The following SLC41A2 variants were observed in gnomAD, a reference collection of about 807,000 sequenced individuals.
SLC41A2 encodes the protein SLC41A1-like 1.
In SLC41A2, 32 loss-of-function variants were observed where a neutral mutation model predicts 58.3. The observed-to-expected ratio is 0.55, with a 90% CI of 0.41 to 0.74. The LOEUF is 0.74. SLC41A2 is among the 30% of genes least tolerant of loss of function. The pLI is 0.00. For synonymous variants in SLC41A2, 190 were observed against 235.0 expected (o/e 0.81, Z 1.75); for missense variants, 514 against 680.6 (o/e 0.76, Z 2.72).
intron 6 of SLC41A2, among the ~76,000 whole-genome samples, chr12:104,869,211 G>A (rs1454523608): frequency 6.6e-6 from 1 of 152,078 alleles, no homozygotes; most frequent in Non-Finnish European, 1.5e-5. Context: ...ATTAGATCAC[G>A]GTGATCCTTG....
intron 6 of SLC41A2, among the ~76,000 whole-genome samples, chr12:104,868,569 A>G (rs568024556): frequency 6.6e-6 from 1 of 152,122 alleles, no homozygotes; most frequent in Non-Finnish European, 1.5e-5. Flanking sequence ...GTTTAACTTG[A>G]CCCAGCAATT....
At chr12:104,944,275 T>TG (rs2047625520) in intron 1 of SLC41A2, among the ~76,000 whole-genome samples, 2 of 152,174 alleles carry the variant, frequency 1.3e-5, no homozygotes, top group African/African-American at 4.8e-5. Context: ...CATTAGATTA[T>TG]GAAATGGGCA....
intron 3 of SLC41A2, among the ~76,000 whole-genome samples, chr12:104,895,672 G>A (rs998241461): frequency 6.6e-5 from 10 of 152,034 alleles, no homozygotes; most frequent in African/African-American, 2.4e-4. Context: ...TTTGTGTATT[G>A]AGGTCCAAGG....
intron 4 of SLC41A2, among the ~76,000 whole-genome samples, chr12:104,891,192 G>T (rs1565878474): frequency 6.6e-6 from 1 of 152,140 alleles, no homozygotes; most frequent in Non-Finnish European, 1.5e-5. Context: ...GGCCTGGTTG[G>T]GGTTCCCTGT....
At chr12:104,950,134 G>A (rs1212223435) in intron 1 of SLC41A2, among the ~76,000 whole-genome samples, 2 of 152,166 alleles carry the variant, frequency 1.3e-5, no homozygotes, top group Admixed American at 6.5e-5. Flanking sequence ...AAATGAGGAA[G>A]AATAAATAAC....
rs778961955 is a variant in SLC41A2, at chr12:104,889,183, A to T, written c.736-6T>A. 5 of 1,599,262 alleles carry T rather than the reference A, an allele frequency of 3.1e-6. No individual in the cohort carries two copies. The highest frequency in any genetic ancestry group is 2.2e-5 in the East Asian group (1 of 44,506). On this transcript the variant is annotated splice_region_variant and splice_polypyrimidine_tract_variant and intron_variant, in intron 4 of 10. Transcript: ENST00000258538. ...CCCACTACTGTTGCCTGAACCTAAA[A>T]TTTTTTTCATAAATCCAACTGAATT...
intron 5 of SLC41A2, among the ~76,000 whole-genome samples, 180 bp from the exon 6 acceptor site, chr12:104,886,619 C>T (rs2044679306): frequency 6.6e-6 from 1 of 152,026 alleles, no homozygotes; most frequent in Admixed American, 6.5e-5. Flanking sequence ...TTTCAACAAA[C>T]TCCAAGTGGG....
intron 1 of SLC41A2, among the ~76,000 whole-genome samples, chr12:104,934,807 T>A (rs2047197188): frequency 6.6e-6 from 1 of 152,144 alleles, no homozygotes; most frequent in Non-Finnish European, 1.5e-5. Flanking sequence ...TGTACTTATG[T>A]GGAATCTGAA....
intron 6 of SLC41A2, among the ~76,000 whole-genome samples, chr12:104,868,339 C>T (rs1264837937): frequency 6.6e-6 from 1 of 152,138 alleles, no homozygotes; most frequent in Non-Finnish European, 1.5e-5. Flanking sequence ...TAGGTCAGAT[C>T]ATCTTAGTAT....
At chr12:104,917,538 C>T (rs893162212) in intron 2 of SLC41A2, among the ~76,000 whole-genome samples, 2 of 151,188 alleles carry the variant, frequency 1.3e-5, no homozygotes, top group Non-Finnish European at 3.0e-5. Context: ...ATGTTTATTG[C>T]GGCACTATTC....
intron 1 of SLC41A2, among the ~76,000 whole-genome samples, chr12:104,941,409 C>T (rs2047509135): frequency 6.6e-6 from 1 of 152,120 alleles, no homozygotes; most frequent in South Asian, 2.1e-4. Flanking sequence ...ATAATAAATC[C>T]TCAATACATC....
At position 104,878,873 on chromosome 12, in the gene SLC41A2, T is replaced by C. The variant is rs145232873; in HGVS notation, c.1027+7420A>G. On this transcript the variant is annotated intron_variant, in intron 6 of 10. Transcript: ENST00000258538. ...AAATGGTATTTCTAGTTCTAGATCC[T>C]TGAGGAATCGCCACACTGTCTTCCA... Among the ~76,000 whole-genome samples the C allele has an allele frequency of 8.8e-3, 1,346 of 152,320 alleles. 41 individuals are homozygous for C. In the East Asian group the frequency reaches 0.12, roughly 14 times the overall value.
chr12:104,940,353 G>A (rs1593180244), intron 1 of SLC41A2, among the ~76,000 whole-genome samples: 1 of 14,224 alleles, frequency 7.0e-5, no homozygotes, highest in Admixed American at 6.8e-4. Flanking sequence ...GGCTCACCTG[G>A]GGGGGAGGGG....
At chr12:104,867,918 C>A (rs1055427585) in intron 6 of SLC41A2, among the ~76,000 whole-genome samples, 13 of 149,738 alleles carry the variant, frequency 8.7e-5, no homozygotes, top group African/African-American at 2.9e-4. Context: ...ATACAAATCC[C>A]AAATTTTTAT....
At chr12:104,884,508 C>T (rs1217840982) in intron 6 of SLC41A2, among the ~76,000 whole-genome samples, 3 of 152,102 alleles carry the variant, frequency 2.0e-5, no homozygotes, top group Non-Finnish European at 4.4e-5. Context: ...TATAGGGTAA[C>T]CTGTCCCAGA....
chr12:104,848,055 C>T (rs1289884494), intron 8 of SLC41A2, among the ~76,000 whole-genome samples: 1 of 152,124 alleles, frequency 6.6e-6, no homozygotes, highest in Non-Finnish European at 1.5e-5. Context: ...CACACATGCA[C>T]TCATGGAACA....
Position 104,942,950 on chromosome 12 carries a change from G to T in SLC41A2, c.-167-14256C>A, listed in dbSNP as rs1196881684. ...TTAGCATTTCAAATGAGTAGAAATT[G>T]TTATTCAGGATTCATACAAAAGTAT... is the stretch of plus-strand genomic sequence containing the variant. On this transcript the variant is annotated intron_variant, in intron 1 of 10. Coordinates refer to ENST00000258538, the MANE Select transcript of SLC41A2 (RefSeq NM_001352171.3). Among the ~76,000 whole-genome samples, 9 of 152,082 alleles carry T rather than the reference G, an allele frequency of 5.9e-5. No individual in the cohort carries two copies. In the East Asian group the frequency reaches 7.7e-4, roughly 13 times the overall value.
At chr12:104,873,931 A>G (rs1243408540) in intron 6 of SLC41A2, among the ~76,000 whole-genome samples, 1 of 152,124 alleles carries the variant, frequency 6.6e-6, no homozygotes, top group African/African-American at 2.4e-5. Context: ...TTGACTCCTT[A>G]TCAAACATAT....
At chr12:104,946,254 G>T (rs2047714364) in intron 1 of SLC41A2, among the ~76,000 whole-genome samples, 1 of 151,970 alleles carries the variant, frequency 6.6e-6, no homozygotes, top group Admixed American at 6.6e-5. Flanking sequence ...ATTTCAATCA[G>T]GCACTTTCTT....
Sources: gnomAD v4.1 joint callset for allele counts (sites outside exome capture counted in the v4.1 genomes callset) on GRCh38, gnomAD v4.1.1 for gene constraint, MANE v1.5 for transcripts, NCBI Gene and HGNC (gene_info 2026-07-23, HGNC 2026-07-21) for gene names.